HS3ST5: variants seen among roughly 807,000 people sequenced by gnomAD.
HS3ST5 encodes the protein heparan sulfate glucosamine 3-O-sulfotransferase 5.
HS3ST5 carries 10 observed loss-of-function variants against 25.4 expected under a neutral mutation model. The observed-to-expected ratio is 0.39, with a 90% confidence interval of 0.24 to 0.67. HS3ST5 has a LOEUF of 0.67. Ranked by LOEUF, HS3ST5 falls within the 30% of genes least tolerant of loss-of-function variation. The pLI is 0.44. For missense variants in HS3ST5, 324 were observed against 420.7 expected (o/e 0.77, Z 2.01); for synonymous variants, 170 against 162.4 (o/e 1.05, Z -0.36).
chr6:114,155,256 C>T (rs781100323), intron 3 of HS3ST5, among the ~76,000 whole-genome samples: 52 of 152,074 alleles, frequency 3.4e-4, no homozygotes, highest in Non-Finnish European at 8.8e-5. Flanking sequence ...TCTTATTCAT[C>T]CCCATGCCAG....
intron 3 of HS3ST5, among the ~76,000 whole-genome samples, chr6:114,087,295 C>T: frequency 6.6e-6 from 1 of 152,198 alleles, no homozygotes; most frequent in East Asian, 1.9e-4. Context: ...TCCTTCCCTG[C>T]ATGATGCCCG....
At chr6:114,115,693 A>AT (rs936605137) in intron 3 of HS3ST5, among the ~76,000 whole-genome samples, 1 of 152,106 alleles carries the variant, frequency 6.6e-6, no homozygotes, top group Non-Finnish European at 1.5e-5. Context: ...AAGTTGAACT[A>AT]TTTGAAGGAA....
chr6:114,258,582 C>T (rs1933747069), intron 1 of HS3ST5, among the ~76,000 whole-genome samples: 1 of 152,120 alleles, frequency 6.6e-6, no homozygotes, highest in Non-Finnish European at 1.5e-5. Flanking sequence ...CAGGCTTCAG[C>T]ATTTGCCGGC....
At position 114,304,722 on chromosome 6, in the gene HS3ST5, T is replaced by G. The variant is rs1314692635; in HGVS notation, c.-339+37473A>C. ...TCCATGTTAACACATAACATTGTTA[T>G]GAAAAATAACTGTCCTTTCCAAGCA... On this transcript the variant is annotated intron_variant, in intron 1 of 4. Coordinates refer to ENST00000312719, the MANE Select transcript of HS3ST5 (RefSeq NM_153612.4). Among the ~76,000 whole-genome samples the G allele has an allele frequency of 2.6e-5, 4 of 152,124 alleles. No homozygotes were observed. The South Asian group carries it at 8.3e-4, about 32-fold the overall frequency.
chr6:114,227,333 A>G (rs1771348026), intron 2 of HS3ST5, among the ~76,000 whole-genome samples: 1 of 151,740 alleles, frequency 6.6e-6, no homozygotes, highest in African/African-American at 2.4e-5. Flanking sequence ...AAAGACTAAT[A>G]GAGACAAAAA....
At chr6:114,167,375 G>A (rs967293295) in intron 3 of HS3ST5, 7 of 152,146 alleles carry the variant, frequency 4.6e-5, no homozygotes, top group Admixed American at 1.3e-4. Context: ...GGATATTACT[G>A]TAGACACAGT....
Position 114,177,562 on chromosome 6 carries a change from T to G in HS3ST5, c.-144-9100A>C, listed in dbSNP as rs1779781770. Among the ~76,000 whole-genome samples, 5 of 152,354 alleles carry G rather than the reference T, an allele frequency of 3.3e-5. No individual in the cohort carries two copies. The South Asian group carries it at 1.0e-3, about 32-fold the overall frequency. The stretch of plus-strand genomic sequence containing the variant: ...AATGTGCCTTATTTCTAAAGTATGA[T>G]GGCATATTATAGCACTCTTTGTCAG... On this transcript the variant is annotated intron_variant, in intron 2 of 4. Coordinates refer to ENST00000312719, the MANE Select transcript of HS3ST5 (RefSeq NM_153612.4).
chr6:114,294,441 C>CTTTTTTTT (rs57443813), intron 1 of HS3ST5, among the ~76,000 whole-genome samples: 4 of 112,968 alleles, frequency 3.5e-5, no homozygotes, highest in African/African-American at 1.1e-4. Context: ...AGGTTAGAAA[C>CTTTTTTTT]TTTTTTTTTT....
intron 2 of HS3ST5, among the ~76,000 whole-genome samples, chr6:114,218,190 G>A (rs1388890395): frequency 3.9e-5 from 6 of 152,156 alleles, no homozygotes; most frequent in Admixed American, 6.5e-5. Flanking sequence ...AAGAGACAGC[G>A]TTTCGTCATG....
intron 3 of HS3ST5, among the ~76,000 whole-genome samples, chr6:114,163,236 C>T (rs1424762674): frequency 6.6e-6 from 1 of 152,072 alleles, no homozygotes. Flanking sequence ...ACAAATTGAG[C>T]ACATGAGATT....
At chr6:114,180,869 A>G (rs188837335) in intron 2 of HS3ST5, among the ~76,000 whole-genome samples, 13 of 152,324 alleles carry the variant, frequency 8.5e-5, no homozygotes, top group Admixed American at 7.8e-4. Context: ...CATAGCAGGT[A>G]TCCCTCAGAG....
At position 114,165,697 on chromosome 6, in the gene HS3ST5, C is replaced by T. The variant is rs150098959; in HGVS notation, c.-33+2654G>A. 2.8e-3 allele frequency among the ~76,000 whole-genome samples: 422 copies of T among 152,286 alleles called. 1 individual carries two copies. Among genetic ancestry groups the T allele is most frequent in the African/African-American group, 9.7e-3 (402 of 41,562 alleles). On this transcript the variant is annotated intron_variant, in intron 3 of 4. Transcript: ENST00000312719. ...GACACTGAACCTCGCGCTCACTTCA[C>T]CCCCATGACTGCTACATCATTGGTT...
At chr6:114,261,154 G>C in intron 1 of HS3ST5, among the ~76,000 whole-genome samples, 1 of 152,088 alleles carries the variant, frequency 6.6e-6, no homozygotes, top group East Asian at 1.9e-4. Flanking sequence ...TCAAGAATTT[G>C]GGTAGGAAAA....
chr6:114,241,136 T>TTG (rs1554221410), intron 1 of HS3ST5, among the ~76,000 whole-genome samples: 1 of 145,782 alleles, frequency 6.9e-6, no homozygotes, highest in Non-Finnish European at 1.5e-5. Context: ...AAATCAGTTT[T>TTG]TTTTTTTTTT....
intron 3 of HS3ST5, among the ~76,000 whole-genome samples, chr6:114,113,738 AT>A (rs1327256579): frequency 3.3e-5 from 5 of 151,912 alleles, no homozygotes; most frequent in Non-Finnish European, 7.4e-5. Context: ...TGTTTCAATA[AT>A]TTTTTTAATG....
At chr6:114,309,817 T>C (rs1462142296) in intron 1 of HS3ST5, among the ~76,000 whole-genome samples, 1 of 152,214 alleles carries the variant, frequency 6.6e-6, no homozygotes, top group East Asian at 1.9e-4. Context: ...CTGAAAAATA[T>C]AGTACTACAT....
chr6:114,257,231 C>A lies in HS3ST5; in HGVS notation c.-338-28453G>T, dbSNP rs557037261. Among the ~76,000 whole-genome samples, 56 of 152,212 alleles carry A rather than the reference C, an allele frequency of 3.7e-4. 1 individual carries two copies. The highest frequency in any genetic ancestry group is 3.4e-3 in the Middle Eastern group (1 of 294). ...GTGTTTGTTAAATGGAGGCAGTAGG[C>A]TAAGGAAAGAGGGGATGCAGGGCAT... On this transcript the variant is annotated intron_variant, in intron 1 of 4. Coordinates refer to ENST00000312719, the MANE Select transcript of HS3ST5 (RefSeq NM_153612.4).
intron 2 of HS3ST5, among the ~76,000 whole-genome samples, chr6:114,191,902 G>A (rs1036401500): frequency 2.0e-5 from 3 of 152,014 alleles, no homozygotes; most frequent in South Asian, 2.1e-4. Context: ...CCCCAACACG[G>A]CATTTAAATT....
chr6:114,254,488 C>G (rs1046141948), intron 1 of HS3ST5, among the ~76,000 whole-genome samples: 4 of 152,166 alleles, frequency 2.6e-5, no homozygotes, highest in African/African-American at 9.7e-5. Flanking sequence ...GGTAGCAGAC[C>G]TTCCAGAGAG....
Sources: gnomAD v4.1 joint callset for allele counts (sites outside exome capture counted in the v4.1 genomes callset) on GRCh38, gnomAD v4.1.1 for gene constraint, MANE v1.5 for transcripts, NCBI Gene and HGNC (gene_info 2026-07-23, HGNC 2026-07-21) for gene names.